The following MYT1L variants were observed in gnomAD, a reference collection of about 807,000 sequenced individuals.
The protein encoded by MYT1L is myelin transcription factor 1-like protein.
A neutral mutation model predicts 126.7 loss-of-function variants in MYT1L; 12 were observed. The ratio of observed to expected loss-of-function variants is 0.09; its 90% CI spans 0.06 to 0.15. MYT1L has a LOEUF of 0.15. Ranked by LOEUF, MYT1L falls within the 10% of genes least tolerant of loss-of-function variation. The pLI is 1.00. For missense variants in MYT1L, 979 were observed against 1,585.2 expected, an observed-to-expected ratio of 0.62 and a Z score of 6.49; for synonymous variants, 541 against 604.2, an observed-to-expected ratio of 0.90 and a Z score of 1.53.
At chr2:1,800,203 T>G (rs2034574235) in intron 23 of MYT1L, 1 of 152,028 alleles carries the variant, frequency 6.6e-6, no homozygotes, top group African/African-American at 2.4e-5. Context: ...AGCCATGGAG[T>G]CTCCTATACA....
At chr2:2,070,190 G>A (rs577606005) in intron 3 of MYT1L, among the ~76,000 whole-genome samples, 94 of 152,200 alleles carry the variant, frequency 6.2e-4, no homozygotes, top group African/African-American at 2.2e-3. Context: ...TTGAGTAAGA[G>A]AGATTAGCTG....
chr2:2,232,500 T>A (rs752692760), intron 2 of MYT1L, among the ~76,000 whole-genome samples: 1 of 152,244 alleles, frequency 6.6e-6, no homozygotes, highest in Non-Finnish European at 1.5e-5. Context: ...AGTAGGTGCC[T>A]CTGTAGCATG....
intron 4 of MYT1L, among the ~76,000 whole-genome samples, chr2:2,016,870 A>G (rs2064465914): frequency 6.6e-6 from 1 of 152,268 alleles, no homozygotes; most frequent in Non-Finnish European, 1.5e-5. Context: ...GAAATCCATC[A>G]GCCAGAGCAC....
intron 18 of MYT1L, among the ~76,000 whole-genome samples, chr2:1,862,024 G>A (rs1309895659): frequency 2.7e-5 from 4 of 147,228 alleles, no homozygotes; most frequent in Non-Finnish European, 4.5e-5. Context: ...CACACTCGGG[G>A]GTTACCTGAT....
chr2:1,823,739 G>C (rs1333629442), intron 21 of MYT1L, among the ~76,000 whole-genome samples: 1 of 152,234 alleles, frequency 6.6e-6, no homozygotes, highest in Non-Finnish European at 1.5e-5. Flanking sequence ...GGCACGAGCA[G>C]CGATGAGGCT....
intron 2 of MYT1L, among the ~76,000 whole-genome samples, chr2:2,260,539 C>A (rs1025453704): frequency 7.9e-5 from 12 of 152,202 alleles, no homozygotes; most frequent in African/African-American, 2.9e-4. Flanking sequence ...AGAACTATCA[C>A]CTACTTCAGC....
At chr2:2,066,258 C>T (rs2071256885) in intron 3 of MYT1L, among the ~76,000 whole-genome samples, 1 of 152,128 alleles carries the variant, frequency 6.6e-6, no homozygotes, top group Non-Finnish European at 1.5e-5. Flanking sequence ...TAGAAAAGTT[C>T]ATATGTCCTT....
intron 3 of MYT1L, among the ~76,000 whole-genome samples, chr2:2,079,820 A>G (rs2075630621): frequency 6.6e-6 from 1 of 152,132 alleles, no homozygotes; most frequent in Non-Finnish European, 1.5e-5. Context: ...TCAAAAAAAA[A>G]AAAGAAAGAA....
At chr2:2,116,717 C>T (rs563624826) in intron 3 of MYT1L, among the ~76,000 whole-genome samples, 22 of 152,366 alleles carry the variant, frequency 1.4e-4, no homozygotes, top group East Asian at 3.9e-4. Flanking sequence ...GATCCGCCCC[C>T]GGGAAAGCCA....
At chr2:2,182,613 G>A (rs71442321) in intron 2 of MYT1L, among the ~76,000 whole-genome samples, 1 of 152,200 alleles carries the variant, frequency 6.6e-6, no homozygotes, top group African/African-American at 2.4e-5. Context: ...TGGAGGCTTA[G>A]AAGCAGGCAT....
At chr2:2,056,198 CAGCCT>C (rs1044453938) in intron 3 of MYT1L, among the ~76,000 whole-genome samples, 41 of 152,300 alleles carry the variant, frequency 2.7e-4, no homozygotes, top group African/African-American at 9.4e-4. Flanking sequence ...AAAGCACCTT[CAGCCT>C]CTCATCAGGG....
chr2:1,938,927 TG>T lies in MYT1L; in HGVS notation c.505+4054del, dbSNP rs567306371. ...CCTGTGGGTTCCTATTGTAATAATC[TG>T]GGGGTTTGTATACATTTGTTTTATC... On this transcript the variant is annotated intron_variant, in intron 9 of 24. Transcript: ENST00000647738. Among the ~76,000 whole-genome samples, 213 of 152,344 alleles carry T rather than the reference TG, an allele frequency of 1.4e-3. 1 individual carries two copies. Among genetic ancestry groups the T allele is most frequent in the African/African-American group, 4.9e-3 (202 of 41,588 alleles).
At chr2:1,881,456 T>C (rs1221138526) in intron 18 of MYT1L, among the ~76,000 whole-genome samples, 2 of 152,042 alleles carry the variant, frequency 1.3e-5, no homozygotes, top group African/African-American at 4.8e-5. Flanking sequence ...TTATGCTTAA[T>C]TGTATTTCCT....
At position 1,903,318 on chromosome 2, in the gene MYT1L, C is replaced by A. The variant is rs142296773; in HGVS notation, c.1818-24G>T. On this transcript the variant is annotated intron_variant, in intron 13 of 24. Transcript: ENST00000647738. The stretch of plus-strand genomic sequence containing the variant: ...GCCTGGAAGTAAACAAGAAAACAAA[C>A]AACAGCTTGCTTTCCTGTGGCTTTG... 1.3e-4 allele frequency: 211 copies of A among 1,583,576 alleles called. 2 individuals are homozygous for A. In the East Asian group the frequency reaches 3.3e-3, roughly 25 times the overall value.
chr2:2,053,869 C>G (rs1211994558), intron 4 of MYT1L, 109 bp downstream of exon 4: 10 of 152,644 alleles, frequency 6.6e-5, no homozygotes, highest in Admixed American at 6.5e-4. Flanking sequence ...CTGCTTCATT[C>G]ACAAACCTAT....
intron 4 of MYT1L, among the ~76,000 whole-genome samples, chr2:2,043,460 G>A (rs1171321315): frequency 5.9e-5 from 9 of 152,192 alleles, no homozygotes; most frequent in Non-Finnish European, 1.0e-4. Flanking sequence ...CCTACAATGT[G>A]TTTGTTAACT....
At chr2:1,956,649 TATCTATCTATC>T (rs756183224) in intron 8 of MYT1L, among the ~76,000 whole-genome samples, 9 of 151,154 alleles carry the variant, frequency 6.0e-5, no homozygotes, top group African/African-American at 9.8e-5. Context: ...GCTATCTATT[TATCTATCTATC>T]ATCTATCTAT....
chr2:1,807,203 C>A (rs2035856419), intron 22 of MYT1L, among the ~76,000 whole-genome samples: 1 of 152,250 alleles, frequency 6.6e-6, no homozygotes, highest in Non-Finnish European at 1.5e-5. Context: ...GATGACCTTT[C>A]TGGTGAACAA....
At chr2:2,142,140 C>A (rs1349089735) in intron 3 of MYT1L, among the ~76,000 whole-genome samples, 1 of 152,094 alleles carries the variant, frequency 6.6e-6, no homozygotes, top group Non-Finnish European at 1.5e-5. Context: ...CGGCTGTTGT[C>A]CCCCTTTCTC....
Sources: allele counts gnomAD v4.1 joint callset (sites outside exome capture counted in the v4.1 genomes callset), GRCh38; gene constraint gnomAD v4.1.1; transcripts MANE v1.5; gene names NCBI Gene and HGNC (gene_info 2026-07-23, HGNC 2026-07-21).